DCAF1: variants seen among roughly 807,000 people sequenced by gnomAD.
The protein encoded by DCAF1 is DDB1 and CUL4 associated factor 1.
A neutral mutation model predicts 128.0 loss-of-function variants in DCAF1; 15 were observed. The observed-to-expected ratio is 0.12, with a 90% CI of 0.08 to 0.18. The LOEUF (loss-of-function observed/expected upper bound fraction) is 0.18, where lower values mean the gene tolerates loss of function less well. DCAF1 is among the 10% of genes least tolerant of loss of function. DCAF1 has a pLI of 1.00. For missense variants in DCAF1, 988 were observed against 1,649.5 expected (o/e 0.60, Z 6.95); for synonymous variants, 610 against 603.0 (o/e 1.01, Z -0.17).
At chr3:51,430,943 G>A (rs1267260080) in intron 10 of DCAF1, among the ~76,000 whole-genome samples, 1 of 152,112 alleles carries the variant, frequency 6.6e-6, no homozygotes, top group Non-Finnish European at 1.5e-5. Context: ...GCTTTCCTAG[G>A]GGATCACAGG....
chr3:51,435,079 C>T (rs1700693178), intron 9 of DCAF1, among the ~76,000 whole-genome samples: 2 of 152,312 alleles, frequency 1.3e-5, no homozygotes, highest in African/African-American at 2.4e-5. Flanking sequence ...CAGGCTAACC[C>T]TTATATATAA....
At position 51,420,705 on chromosome 3, in the gene DCAF1, C is replaced by A. The variant is rs1553632264; in HGVS notation, c.2265G>T (p.Arg755=). Residue 755 remains arginine (R), a synonymous_variant, in exon 15 of 25, where the codon CGG becomes CGT. Coordinates refer to ENST00000684031, the MANE Select transcript of DCAF1 (RefSeq NM_001387579.1). This position sits in a 1 kb window ranked among gnomAD's most constrained non-coding sequence, Gnocchi z 6.5. ...CCACTAGGGCTTTGCAGGCCAGGGC[C>A]CGGATTTGGTCTGCATCTGTGATGG... The part of the protein sequence containing the change: ...KMPITDADQI[R]ALACKALVGL... 2.5e-6 allele frequency: 4 copies of A among 1,613,976 alleles called. No homozygotes were observed. Among genetic ancestry groups the A allele is most frequent in the Non-Finnish European group, 3.4e-6 (4 of 1,179,892 alleles).
intron 4 of DCAF1, among the ~76,000 whole-genome samples, chr3:51,467,737 C>T (rs1704281321): frequency 6.6e-6 from 1 of 152,156 alleles, no homozygotes; most frequent in African/African-American, 2.4e-5. Flanking sequence ...CATCTCCTAG[C>T]ATACTGCCTA....
intron 3 of DCAF1, among the ~76,000 whole-genome samples, chr3:51,474,405 C>T (rs1006829218): frequency 6.6e-6 from 1 of 151,998 alleles, no homozygotes; most frequent in Non-Finnish European, 1.5e-5. Flanking sequence ...GGCCAACAAG[C>T]GCAAAACTCT....
intron 9 of DCAF1, chr3:51,437,287 AAAAG>A (rs1377686904): frequency 7.7e-6 from 3 of 388,764 alleles, no homozygotes; most frequent in South Asian, 1.9e-5. Flanking sequence ...AAAAAAAAAA[AAAAG>A]AAAGAAAGAG....
At position 51,413,399 on chromosome 3, in the gene DCAF1, T is replaced by C. The variant is rs1418354417; in HGVS notation, c.3932-13A>G. 2 of 1,607,810 alleles carry C rather than the reference T, an allele frequency of 1.2e-6. No homozygotes were observed. Among genetic ancestry groups the C allele is most frequent in the Admixed American group, 1.7e-5 (1 of 58,998 alleles). On this transcript the variant is annotated splice_polypyrimidine_tract_variant and intron_variant, in intron 20 of 24. Coordinates refer to ENST00000684031, the MANE Select transcript of DCAF1 (RefSeq NM_001387579.1). ...GCCTGCAACATAGCTTGAGGGGGAG[T>C]GGGGGAGGAAACACTATTAGGAATC...
At chr3:51,468,685 G>A (rs1401195332) in intron 4 of DCAF1, among the ~76,000 whole-genome samples, 3 of 152,098 alleles carry the variant, frequency 2.0e-5, no homozygotes, top group Non-Finnish European at 2.9e-5. Flanking sequence ...AACAAGGACC[G>A]TAGTTACCTA....
At chr3:51,412,213 T>C (rs1442453339) in intron 23 of DCAF1, among the ~76,000 whole-genome samples, 166 bp downstream of exon 23, 1 of 147,478 alleles carries the variant, frequency 6.8e-6, no homozygotes, top group Non-Finnish European at 1.5e-5. Flanking sequence ...AATCTTATAA[T>C]AAAATTTCTT....
At chr3:51,432,072 AC>A (rs1174752043) in intron 10 of DCAF1, among the ~76,000 whole-genome samples, 5 of 151,874 alleles carry the variant, frequency 3.3e-5, no homozygotes, top group African/African-American at 1.2e-4. Context: ...GGAGTTCGAG[AC>A]CAGCCTGGCC....
At chr3:51,431,381 A>T (rs1553635535) in intron 10 of DCAF1, among the ~76,000 whole-genome samples, 7 of 151,458 alleles carry the variant, frequency 4.6e-5, no homozygotes. Flanking sequence ...TTAGCCAGGC[A>T]TGGTGGCACG....
At chr3:51,480,242 C>T (rs1248087709) in intron 3 of DCAF1, among the ~76,000 whole-genome samples, 3 of 151,784 alleles carry the variant, frequency 2.0e-5, no homozygotes, top group Admixed American at 6.6e-5. Flanking sequence ...TGCAGACATG[C>T]CAAGGAAAGG....
intron 24 of DCAF1, among the ~76,000 whole-genome samples, chr3:51,402,833 A>G (rs368659506): frequency 7.0e-4 from 107 of 152,236 alleles, no homozygotes; most frequent in South Asian, 3.5e-3. Context: ...CTCAGCCTCC[A>G]AAGTGCTGGG....
At chr3:51,451,986 T>TA (rs1354576082) in intron 6 of DCAF1, among the ~76,000 whole-genome samples, 1 of 151,912 alleles carries the variant, frequency 6.6e-6, no homozygotes, top group African/African-American at 2.4e-5. Context: ...TTTCAAGGTT[T>TA]AAAAAAAAGT....
intron 2 of DCAF1, among the ~76,000 whole-genome samples, chr3:51,494,973 C>T (rs1708075774): frequency 6.6e-6 from 1 of 152,184 alleles, no homozygotes; most frequent in African/African-American, 2.4e-5. Context: ...TTGGGAATAA[C>T]CATTTGCCCA....
Position 51,420,527 on chromosome 3 carries a change from G to A in DCAF1, c.2443C>T (p.Arg815Trp). ...ATGAGAAGTGGTTTTCCTGACACCC[G>A]TTCAATGAGTTCAGCAGCATACTTG... is the stretch of plus-strand genomic sequence containing the variant. ...FCKYAAELIE[R>W]VSGKPLLIGT... The change falls in exon 15 of 25, where the codon CGG becomes TGG. Residue 815 changes from arginine (R) to tryptophan (W), a missense_variant. Physicochemically the swap from Arg to Trp is moderately radical, Grantham distance 101. Transcript: ENST00000684031. The surrounding 1 kb of genome is among the most constrained non-coding windows in gnomAD (Gnocchi z 6.5). 4 of 1,613,862 alleles carry A rather than the reference G, an allele frequency of 2.5e-6. No individual in the cohort carries two copies. Among genetic ancestry groups the A allele is most frequent in the South Asian group, 1.1e-5 (1 of 91,078 alleles).
At chr3:51,404,690 A>C (rs182087890) in intron 23 of DCAF1, among the ~76,000 whole-genome samples, 1 of 152,278 alleles carries the variant, frequency 6.6e-6, no homozygotes, top group East Asian at 1.9e-4. Context: ...CCTTTTAAAT[A>C]CCTAGTACTC....
intron 18 of DCAF1, among the ~76,000 whole-genome samples, chr3:51,415,574 G>C (rs1197761680): frequency 6.6e-6 from 1 of 151,982 alleles, no homozygotes; most frequent in Admixed American, 6.6e-5. Context: ...CCTCTCTCTT[G>C]AACTCCCAAT....
intron 9 of DCAF1, among the ~76,000 whole-genome samples, chr3:51,436,904 A>G (rs1253697639): frequency 6.6e-6 from 1 of 152,180 alleles, no homozygotes; most frequent in Non-Finnish European, 1.5e-5. Flanking sequence ...TATTTTCACA[A>G]TTTTCAGTAC....
intron 6 of DCAF1, among the ~76,000 whole-genome samples, chr3:51,445,475 G>C (rs1338598391): frequency 2.6e-5 from 4 of 152,140 alleles, no homozygotes; most frequent in Non-Finnish European, 5.9e-5. Flanking sequence ...TGATTGGGCA[G>C]GTACTATATT....
Sources: gnomAD v4.1 joint callset for allele counts (sites outside exome capture counted in the v4.1 genomes callset) on GRCh38, gnomAD v4.1.1 for gene constraint, Gnocchi (gnomAD v3.1) non-coding constraint, MANE v1.5 for transcripts, NCBI Gene and HGNC (gene_info 2026-07-23, HGNC 2026-07-21) for gene names.